The following CSMD1 variants were observed in gnomAD, a reference collection of about 807,000 sequenced individuals.
CSMD1 encodes the protein CUB and Sushi multiple domains 1, also known as CUB and sushi domain-containing protein 1.
A neutral mutation model predicts 417.5 loss-of-function variants in CSMD1; 213 were observed. The ratio of observed to expected loss-of-function variants is 0.51; its 90% CI spans 0.46 to 0.57. The LOEUF is 0.57. Ranked by LOEUF, CSMD1 falls within the 20% of genes least tolerant of loss-of-function variation. The pLI is 0.00. For missense variants in CSMD1, 6,923 were observed against 4,529.7 expected, an observed-to-expected ratio of 1.53 and a Z score of -15.17; for synonymous variants, 2,862 against 1,736.8, an observed-to-expected ratio of 1.65 and a Z score of -16.11.
At chr8:4,963,443 A>C (rs1038770305) in intron 1 of CSMD1, among the ~76,000 whole-genome samples, 4 of 151,872 alleles carry the variant, frequency 2.6e-5, no homozygotes, top group African/African-American at 9.7e-5. Context: ...CAAGCAATCC[A>C]CCCACCTCGA....
intron 3 of CSMD1, among the ~76,000 whole-genome samples, chr8:4,202,363 T>A (rs1799708703): frequency 6.6e-6 from 1 of 152,210 alleles, no homozygotes; most frequent in South Asian, 2.1e-4. Flanking sequence ...TCATGTATCA[T>A]TCTGCACACT....
intron 5 of CSMD1, among the ~76,000 whole-genome samples, chr8:3,921,662 G>A (rs1336142074): frequency 1.3e-5 from 2 of 151,678 alleles, no homozygotes; most frequent in Non-Finnish European, 2.9e-5. Flanking sequence ...TTGTTCAGGC[G>A]TATGTTGCTT....
chr8:4,207,614 G>A (rs1479717853), intron 3 of CSMD1, among the ~76,000 whole-genome samples: 2 of 152,200 alleles, frequency 1.3e-5, no homozygotes, highest in Non-Finnish European at 1.5e-5. Context: ...CAGTAAGACT[G>A]GCAACATTTT....
chr8:3,279,244 G>A (rs182627064), intron 26 of CSMD1: 18 of 152,316 alleles, frequency 1.2e-4, no homozygotes, highest in African/African-American at 4.3e-4. Flanking sequence ...GGAATATAAT[G>A]ACTAGTGGAG....
chr8:3,138,199 C>A (rs1245470044), intron 41 of CSMD1, among the ~76,000 whole-genome samples: 2 of 152,244 alleles, frequency 1.3e-5, no homozygotes, highest in Non-Finnish European at 2.9e-5. Flanking sequence ...GCACTCCAGC[C>A]TGGACAACAG....
chr8:3,508,111 G>C (rs532705568), intron 10 of CSMD1, among the ~76,000 whole-genome samples: 2 of 152,160 alleles, frequency 1.3e-5, no homozygotes, highest in South Asian at 2.1e-4. Flanking sequence ...GTATTGCCTA[G>C]GTTTCCTTCT....
At chr8:3,901,911 A>G (rs1807779430) in intron 5 of CSMD1, among the ~76,000 whole-genome samples, 1 of 152,202 alleles carries the variant, frequency 6.6e-6, no homozygotes, top group Non-Finnish European at 1.5e-5. Flanking sequence ...ATCTCATGCC[A>G]TGATGTGTGA....
chr8:3,040,420 A>AAT (rs1218862347), intron 50 of CSMD1, among the ~76,000 whole-genome samples: 9 of 143,366 alleles, frequency 6.3e-5, no homozygotes, highest in African/African-American at 2.2e-4. Context: ...ATATAACAGA[A>AAT]ATATATATAT....
At chr8:4,874,786 G>T (rs1016525110) in intron 1 of CSMD1, among the ~76,000 whole-genome samples, 3 of 150,610 alleles carry the variant, frequency 2.0e-5, no homozygotes, top group Non-Finnish European at 4.4e-5. Context: ...AATAGAGATA[G>T]ACTTTTTGTG....
chr8:3,716,005 T>C (rs889113437), intron 6 of CSMD1, among the ~76,000 whole-genome samples: 3 of 152,236 alleles, frequency 2.0e-5, no homozygotes, highest in African/African-American at 7.2e-5. Flanking sequence ...CTCTTAAATC[T>C]CATCAGCTGT....
At chr8:3,438,603 G>A (rs920595623) in intron 12 of CSMD1, among the ~76,000 whole-genome samples, 1 of 152,130 alleles carries the variant, frequency 6.6e-6, no homozygotes, top group African/African-American at 2.4e-5. Flanking sequence ...TGCTGAGTGG[G>A]ATTTCATGGT....
chr8:4,962,197 T>TTA (rs1554532940), intron 1 of CSMD1, among the ~76,000 whole-genome samples: 6,807 of 121,190 alleles, frequency 0.056, 190 homozygotes, highest in East Asian at 0.12. Flanking sequence ...GCTTTTTTTT[T>TTA]AAAAAAAAAA....
intron 1 of CSMD1, among the ~76,000 whole-genome samples, chr8:4,791,203 G>A (rs1797669642): frequency 6.6e-6 from 1 of 151,980 alleles, no homozygotes; most frequent in Non-Finnish European, 1.5e-5. Context: ...TGAGAGGAGA[G>A]GTGCGTGGAA....
intron 3 of CSMD1, among the ~76,000 whole-genome samples, chr8:4,337,199 G>C (rs1317829801): frequency 2.0e-5 from 3 of 152,010 alleles, no homozygotes; most frequent in Non-Finnish European, 2.9e-5. Flanking sequence ...ATCTCAAAAG[G>C]GGAGACTTTC....
chr8:4,096,876 T>G (rs1031432700), intron 3 of CSMD1, among the ~76,000 whole-genome samples: 2 of 152,194 alleles, frequency 1.3e-5, no homozygotes, highest in African/African-American at 2.4e-5. Context: ...AAAGCCATCT[T>G]GCAATTTTAA....
intron 25 of CSMD1, among the ~76,000 whole-genome samples, chr8:3,304,840 T>G (rs893347207): frequency 6.6e-6 from 1 of 151,942 alleles, no homozygotes; most frequent in Non-Finnish European, 1.5e-5. Context: ...TCTAATTAAT[T>G]CCAGTAAATT....
chr8:4,004,352 C>T (rs1247871225), intron 4 of CSMD1, among the ~76,000 whole-genome samples: 1 of 150,692 alleles, frequency 6.6e-6, no homozygotes, highest in Non-Finnish European at 1.5e-5. Context: ...AGTATATCCA[C>T]AAACAATATA....
At chr8:4,805,046 T>C (rs1798511433) in intron 1 of CSMD1, among the ~76,000 whole-genome samples, 1 of 152,200 alleles carries the variant, frequency 6.6e-6, no homozygotes, top group African/African-American at 2.4e-5. Context: ...AACTTTGTAA[T>C]GGAGCAGCTC....
At position 3,952,205 on chromosome 8, in the gene CSMD1, G is replaced by T. The variant is rs79184289; in HGVS notation, c.818+45698C>A. On this transcript the variant is annotated intron_variant, in intron 5 of 69. Coordinates refer to ENST00000635120, the MANE Select transcript of CSMD1 (RefSeq NM_033225.6). ...GTTCATGGTGTCTCCGAGGTGAAAA[G>T]AATTTTCATAATAAGAAGATTAAGA... is the stretch of plus-strand genomic sequence containing the variant. Among the ~76,000 whole-genome samples, 456 of 152,204 alleles carry T rather than the reference G, an allele frequency of 3.0e-3. 3 individuals carry two copies. The highest frequency in any genetic ancestry group is 0.01 in the Middle Eastern group (3 of 294).
Sources: gnomAD v4.1 joint callset for allele counts (sites outside exome capture counted in the v4.1 genomes callset) on GRCh38, gnomAD v4.1.1 for gene constraint, MANE v1.5 for transcripts, NCBI Gene and HGNC (gene_info 2026-07-23, HGNC 2026-07-21) for gene names.